The following NAV1 variants were observed in gnomAD, a reference collection of about 807,000 sequenced individuals.
The protein encoded by NAV1 is neuron navigator 1.
In NAV1, 18 loss-of-function variants were observed where a neutral mutation model predicts 175.2. The observed-to-expected ratio is 0.10, with a 90% CI of 0.07 to 0.15. The LOEUF is 0.15. Ranked by LOEUF, NAV1 falls within the 10% of genes least tolerant of loss-of-function variation. The pLI, the probability that NAV1 is intolerant of heterozygous loss-of-function variation, is 1.00. For synonymous variants in NAV1, 897 were observed against 978.7 expected (o/e 0.92, Z 1.56); for missense variants, 1,731 against 2,436.6 (o/e 0.71, Z 6.10).
At chr1:201,822,266 G>T (rs1260586455) in exon 30 of NAV1, 1 of 152,780 alleles carries the variant, frequency 6.5e-6, no homozygotes, top group East Asian at 1.9e-4. Context: ...GAATGAGGAG[G>T]CCCCCGAGCT....
At chr1:201,736,481 T>A (rs563062942) in intron 3 of NAV1, among the ~76,000 whole-genome samples, 1 of 152,326 alleles carries the variant, frequency 6.6e-6, no homozygotes, top group Admixed American at 6.5e-5. Flanking sequence ...AAACTATCTT[T>A]CGATGTCTCT....
intron 1 of NAV1, among the ~76,000 whole-genome samples, chr1:201,567,360 A>G (rs1459750428): frequency 3.3e-5 from 5 of 152,140 alleles, no homozygotes; most frequent in Non-Finnish European, 7.4e-5. Flanking sequence ...TGTCCTGTCA[A>G]GTTACCGGGG....
rs146374763 is a variant in NAV1, at chr1:201,740,019, G to A, written c.1226+21264G>A. 20,853 of 1,486,854 alleles carry A rather than the reference G, an allele frequency of 0.014. 206 individuals carry two copies. Among genetic ancestry groups the A allele is most frequent in the Non-Finnish European group, 0.016 (18,026 of 1,115,392 alleles). 92.1% of individuals were successfully genotyped at this position (1,486,854 alleles called of 1,614,324 possible). A position where few individuals can be genotyped will look rare whatever the true frequency, so the allele number is the denominator to read the frequency against. ...CCCGGTGAATGGCCGCCTGAGCCGGGGAAGATGCTTCATCTGCCCCTGCCC... is the reference window on the plus strand; with the variant it reads ...CCCGGTGAATGGCCGCCTGAGCCGGAGAAGATGCTTCATCTGCCCCTGCCC... On this transcript the variant is annotated intron_variant, in intron 3 of 29. Transcript: ENST00000367296. The surrounding 1 kb of genome is among the most constrained non-coding windows in gnomAD (Gnocchi z 4.7).
chr1:201,745,975 G>A (rs893548479), intron 3 of NAV1, among the ~76,000 whole-genome samples: 1 of 151,952 alleles, frequency 6.6e-6, no homozygotes, highest in African/African-American at 2.4e-5. Context: ...GGGACTGCAG[G>A]TGCATGCCAC....
rs1665441744 is a variant in NAV1 at position 201,539,572 on chromosome 1, G to A, written c.-144+230G>A. ...GGTGTGTGCCCTTTCGACCCCTATG[G>A]GACTGACTGCGCGTTTGATTCTAGA... On this transcript the variant is annotated intron_variant, in intron 1 of 33. Coordinates refer to the NAV1 transcript ENST00000685211. This position sits in a 1 kb window ranked among gnomAD's most constrained non-coding sequence, Gnocchi z 5.6. Among the ~76,000 whole-genome samples, 1 of 152,132 alleles carries A rather than the reference G, an allele frequency of 6.6e-6. No homozygotes were observed. The highest frequency in any genetic ancestry group is 6.5e-5 in the Admixed American group (1 of 15,278).
chr1:201,642,525 T>TTTTTTTTCTTTCTTTCTTTCTTTCTTTC (rs1553247053), intron 2 of NAV1, among the ~76,000 whole-genome samples: 4 of 100,306 alleles, frequency 4.0e-5, no homozygotes, highest in Admixed American at 1.1e-4. Flanking sequence ...TTCTTTCTTT[T>TTTTTTTTCTTTCTTTCTTTCTTTCTTTC]TTTCTTTCTT....
chr1:201,665,443 G>A (rs1378280084), intron 1 of NAV1, among the ~76,000 whole-genome samples: 1 of 152,142 alleles, frequency 6.6e-6, no homozygotes, highest in Non-Finnish European at 1.5e-5. Flanking sequence ...GAGATGGGGT[G>A]AGGCCTATCC....
intron 1 of NAV1, among the ~76,000 whole-genome samples, chr1:201,682,046 G>C (rs1670485984): frequency 6.6e-6 from 1 of 151,380 alleles, no homozygotes; most frequent in Non-Finnish European, 1.5e-5. Context: ...AAACCGGAAG[G>C]TGGAGGTTGC....
intron 29 of NAV1, among the ~76,000 whole-genome samples, chr1:201,819,367 G>A (rs1679253961): frequency 6.6e-6 from 1 of 151,794 alleles, no homozygotes; most frequent in Admixed American, 6.6e-5. Flanking sequence ...AGTTATCATT[G>A]AAGAAATCCT....
At chr1:201,773,589 A>G (rs2050556) in intron 3 of NAV1, among the ~76,000 whole-genome samples, 4,347 of 152,294 alleles carry the variant, frequency 0.029, 211 homozygotes, top group African/African-American at 0.099. Context: ...AAGTGGTAAT[A>G]CAATCAATGA....
intron 3 of NAV1, among the ~76,000 whole-genome samples, chr1:201,746,931 G>C (rs1358070365): frequency 6.6e-6 from 1 of 151,818 alleles, no homozygotes; most frequent in African/African-American, 2.4e-5. Flanking sequence ...TTGAGCCCAG[G>C]AGGTCGAGGC....
At chr1:201,684,763 CT>C (rs1426675975) in intron 1 of NAV1, among the ~76,000 whole-genome samples, 1 of 151,968 alleles carries the variant, frequency 6.6e-6, no homozygotes, top group African/African-American at 2.4e-5. Context: ...GCGTGAGCCA[CT>C]GTGCCCAGCC....
intron 1 of NAV1, among the ~76,000 whole-genome samples, chr1:201,573,062 A>G (rs927921979): frequency 2.6e-5 from 4 of 152,200 alleles, no homozygotes; most frequent in Non-Finnish European, 5.9e-5. Context: ...CCTCCTTCAA[A>G]AGTAAATAAT....
chr1:201,563,216 C>T (rs1557998568), intron 1 of NAV1, among the ~76,000 whole-genome samples: 1 of 152,180 alleles, frequency 6.6e-6, no homozygotes, highest in Non-Finnish European at 1.5e-5. Context: ...CACGCTCCCC[C>T]TGTGCATCCG....
intron 1 of NAV1, among the ~76,000 whole-genome samples, chr1:201,670,584 T>TGA (rs1040318312): frequency 1.8e-5 from 2 of 110,324 alleles, no homozygotes; most frequent in African/African-American, 7.8e-5. Flanking sequence ...GATGGTTTGA[T>TGA]GATAGAGATG....
chr1:201,620,431 C>G (rs1359044666), upstream of NAV1, among the ~76,000 whole-genome samples: 1 of 148,286 alleles, frequency 6.7e-6, no homozygotes, highest in Non-Finnish European at 1.5e-5. Context: ...GTTCCCACAG[C>G]AGTGTATGGG....
At position 201,740,830 on chromosome 1, in the gene NAV1, T is replaced by A. The variant is rs1673373678; in HGVS notation, c.1226+22075T>A. Among the ~76,000 whole-genome samples, 1 of 152,034 alleles carries A rather than the reference T, an allele frequency of 6.6e-6. No homozygotes were observed. ...AACCACAGCTGGCCCTGGGACTCTC[T>A]GAGCTGACTTGGAAACTGCACTTCC... is the stretch of plus-strand genomic sequence containing the variant. On this transcript the variant is annotated intron_variant, in intron 3 of 29. Transcript: ENST00000367296. This position sits in a 1 kb window ranked among gnomAD's most constrained non-coding sequence, Gnocchi z 4.7.
At chr1:201,598,603 G>T (rs75779121) in intron 2 of NAV1, among the ~76,000 whole-genome samples, 2,370 of 152,282 alleles carry the variant, frequency 0.016, 60 homozygotes, top group African/African-American at 0.053. Context: ...AACTGGATGT[G>T]CTTCGCCTGG....
chr1:201,772,757 G>A (rs1432404688), intron 3 of NAV1, among the ~76,000 whole-genome samples: 1 of 152,104 alleles, frequency 6.6e-6, no homozygotes, highest in Non-Finnish European at 1.5e-5. Context: ...GCTTGGGCCG[G>A]GCACAGTGGC....
Sources: gnomAD v4.1 joint callset for allele counts (sites outside exome capture counted in the v4.1 genomes callset) on GRCh38, gnomAD v4.1.1 for gene constraint, Gnocchi (gnomAD v3.1) non-coding constraint, MANE v1.5 for transcripts, NCBI Gene and HGNC (gene_info 2026-07-23, HGNC 2026-07-21) for gene names.